The following NOL10 variants were observed in gnomAD, a reference collection of about 807,000 sequenced individuals.
NOL10 encodes nucleolar protein 10, also known as H_NH0074G24.1.
NOL10 carries 58 observed loss-of-function variants against 103.5 expected under a neutral mutation model. That is an observed-to-expected ratio of 0.56 (90% CI 0.45 to 0.70). The LOEUF (loss-of-function observed/expected upper bound fraction) is 0.70, where lower values mean the gene tolerates loss of function less well. Among genes scored for constraint, NOL10 ranks in the 30% least tolerant of loss-of-function variants. The pLI is 0.00. For synonymous variants in NOL10, 287 were observed against 282.5 expected (o/e 1.02, Z -0.16); for missense variants, 763 against 807.3 (o/e 0.95, Z 0.67).
rs562383191 is a variant in NOL10, at chr2:10,609,840, C to T, written c.1027-2529G>A. ...TTATTGCTTTTTTAGAATATAATATCCAAGATATTGTCCTCTGAGGAGAGA... is the reference window on the plus strand; with the variant it reads ...TTATTGCTTTTTTAGAATATAATATTCAAGATATTGTCCTCTGAGGAGAGA... On this transcript the variant is annotated intron_variant, in intron 13 of 20. Coordinates refer to ENST00000381685, the MANE Select transcript of NOL10 (RefSeq NM_024894.4). 1.2e-4 allele frequency among the ~76,000 whole-genome samples: 19 copies of T among 152,170 alleles called. No homozygotes were observed. In the South Asian group the frequency reaches 3.7e-3, roughly 30 times the overall value.
intron 12 of NOL10, among the ~76,000 whole-genome samples, chr2:10,649,480 T>C (rs563028759): frequency 3.6e-4 from 54 of 151,896 alleles, no homozygotes; most frequent in South Asian, 1.7e-3. Flanking sequence ...GCCACCACGC[T>C]CAGCTAAGTT....
intron 20 of NOL10, among the ~76,000 whole-genome samples, chr2:10,574,377 G>A (rs191588063): frequency 6.6e-6 from 1 of 152,244 alleles, no homozygotes; most frequent in Non-Finnish European, 1.5e-5. Flanking sequence ...GCCAGATGTG[G>A]TGGCTTACAC....
chr2:10,623,415 C>G (rs1677261988), intron 13 of NOL10, among the ~76,000 whole-genome samples: 1 of 152,296 alleles, frequency 6.6e-6, no homozygotes, highest in Admixed American at 6.5e-5. Flanking sequence ...TGCCACCCTT[C>G]TATCCACCAT....
chr2:10,619,189 C>T (rs1486667355), intron 13 of NOL10, among the ~76,000 whole-genome samples: 2 of 151,930 alleles, frequency 1.3e-5, no homozygotes, highest in Non-Finnish European at 1.5e-5. Context: ...TTCTGTCACC[C>T]AGGCTGGAGT....
chr2:10,671,036 A>G (rs1156702755), intron 6 of NOL10, among the ~76,000 whole-genome samples: 1 of 152,252 alleles, frequency 6.6e-6, no homozygotes, highest in African/African-American at 2.4e-5. Flanking sequence ...ACCAAAAATA[A>G]TAACAATAAA....
Position 10,572,175 on chromosome 2 carries a change from T to G in NOL10, c.1963A>C (p.Lys655Gln), listed in dbSNP as rs138062409. The G allele has an allele frequency of 3.2e-5, 52 of 1,613,994 alleles. No individual in the cohort carries two copies. Among genetic ancestry groups the G allele is most frequent in the South Asian group, 3.0e-4 (27 of 91,084 alleles). The change falls in exon 21 of 21, where the codon AAG becomes CAG. Residue 655 changes from lysine to glutamine, a missense_variant. Physicochemically the swap from Lys to Gln is moderately conservative, Grantham distance 53. Coordinates refer to ENST00000381685, the MANE Select transcript of NOL10 (RefSeq NM_024894.4). ...FTLKRSEQQKKQQEAEKLHRQ... is the reference protein window; with the variant it reads ...FTLKRSEQQKQQQEAEKLHRQ... ...TGCAGTTTCTCAGCCTCCTGTTGCTTCTTCTGCTGTTCAGACTAAAAGAGA... is the reference window on the plus strand; with the variant it reads ...TGCAGTTTCTCAGCCTCCTGTTGCTGCTTCTGCTGTTCAGACTAAAAGAGA...
chr2:10,631,658 T>C (rs1677852004), intron 13 of NOL10, among the ~76,000 whole-genome samples: 1 of 151,786 alleles, frequency 6.6e-6, no homozygotes, highest in African/African-American at 2.4e-5. Flanking sequence ...GCCAAAGAAC[T>C]GATGCTAATC....
chr2:10,612,692 C>T (rs915208838), intron 13 of NOL10, among the ~76,000 whole-genome samples: 3 of 151,874 alleles, frequency 2.0e-5, no homozygotes, highest in Middle Eastern at 3.4e-3. Context: ...TTAGTAGAGA[C>T]GGGGTTTCAC....
chr2:10,660,354 G>A (rs905903279), intron 9 of NOL10, among the ~76,000 whole-genome samples: 8 of 152,052 alleles, frequency 5.3e-5, no homozygotes, highest in East Asian at 1.9e-4. Context: ...TTTCACTCCC[G>A]TCGCCCAGGC....
At chr2:10,621,755 A>G (rs1350462464) in intron 13 of NOL10, among the ~76,000 whole-genome samples, 1 of 152,250 alleles carries the variant, frequency 6.6e-6, no homozygotes, top group Non-Finnish European at 1.5e-5. Flanking sequence ...GCAGCAAAAT[A>G]TAGACCTTTA....
chr2:10,582,008 T>G (rs1674781058), intron 19 of NOL10, among the ~76,000 whole-genome samples: 1 of 152,192 alleles, frequency 6.6e-6, no homozygotes, highest in African/African-American at 2.4e-5. Flanking sequence ...CCCACACTCT[T>G]AAGTGTTACA....
At chr2:10,649,390 G>C (rs1316618868) in intron 12 of NOL10, among the ~76,000 whole-genome samples, 1 of 134,356 alleles carries the variant, frequency 7.4e-6, no homozygotes, top group Admixed American at 9.0e-5. Context: ...GCATGATCTC[G>C]GCTCACTGCA....
chr2:10,622,202 T>A (rs1232403688), intron 13 of NOL10: 1 of 470,874 alleles, frequency 2.1e-6, no homozygotes, highest in Non-Finnish European at 4.4e-6. Context: ...GTAAATAAAG[T>A]ATGATATATC....
intron 2 of NOL10, among the ~76,000 whole-genome samples, chr2:10,682,924 A>G (rs888873314): frequency 2.0e-5 from 3 of 152,056 alleles, no homozygotes; most frequent in African/African-American, 4.8e-5. Flanking sequence ...AGCTGGGGCT[A>G]CAGGCACGCA....
chr2:10,593,255 C>T (rs1232660378), intron 17 of NOL10, among the ~76,000 whole-genome samples: 1 of 151,978 alleles, frequency 6.6e-6, no homozygotes, highest in Non-Finnish European at 1.5e-5. Context: ...TCTCCTGCCT[C>T]AGCCTCCTGG....
chr2:10,595,242 G>C (rs1451833671), intron 17 of NOL10, among the ~76,000 whole-genome samples: 2 of 151,920 alleles, frequency 1.3e-5, no homozygotes, highest in Non-Finnish European at 2.9e-5. Flanking sequence ...TGAAAATGGA[G>C]GAAGGCAGAG....
At chr2:10,604,203 G>A (rs1002393120) in intron 14 of NOL10, among the ~76,000 whole-genome samples, 1 of 152,180 alleles carries the variant, frequency 6.6e-6, no homozygotes, top group Non-Finnish European at 1.5e-5. Context: ...GTGTGGCCCG[G>A]TTCCTCATAG....
chr2:10,585,898 CA>C (rs913882190), intron 19 of NOL10, among the ~76,000 whole-genome samples: 77 of 152,260 alleles, frequency 5.1e-4, no homozygotes, highest in African/African-American at 1.8e-3. Context: ...ATTTTCAGCC[CA>C]TATTGGTTGA....
chr2:10,673,374 T>C, intron 5 of NOL10, 146 bp downstream of exon 5: 3 of 465,210 alleles, frequency 6.4e-6, no homozygotes, highest in Non-Finnish European at 1.1e-5. Context: ...TACATTTTAC[T>C]ACACAGCCAT....
Sources: allele counts gnomAD v4.1 joint callset (sites outside exome capture counted in the v4.1 genomes callset), GRCh38; gene constraint gnomAD v4.1.1; transcripts MANE v1.5; gene names NCBI Gene and HGNC (gene_info 2026-07-23, HGNC 2026-07-21).